The following MORN5 variants were observed in gnomAD, a reference collection of about 807,000 sequenced individuals.
MORN5 encodes the protein MORN repeat containing 5.
In MORN5, 21 loss-of-function variants were observed where a neutral mutation model predicts 22.1. The ratio of observed to expected loss-of-function variants is 0.95; its 90% CI spans 0.67 to 1.37. The LOEUF (loss-of-function observed/expected upper bound fraction) is 1.37. MORN5 is among the 40% of genes most tolerant of loss of function. MORN5 has a pLI of 0.00. For missense variants in MORN5, 211 were observed against 215.1 expected, an observed-to-expected ratio of 0.98 and a Z score of 0.12; for synonymous variants, 73 against 74.0, an observed-to-expected ratio of 0.99 and a Z score of 0.07.
In MORN5 at chr9:122,174,571, A is replaced by C. The variant is rs777428150; in HGVS notation, c.383A>C (p.Tyr128Ser). 9.3e-6 allele frequency: 15 copies of C among 1,614,072 alleles called. No homozygotes were observed. The highest frequency in any genetic ancestry group is 1.3e-5 in the Non-Finnish European group (15 of 1,180,044). The change falls in exon 4 of 5, where the codon TAT becomes TCT. Residue 128 changes from tyrosine (Y) to serine (S), a missense_variant. By Grantham distance (144) the Tyr-to-Ser change is moderately radical. Coordinates refer to ENST00000373764, the MANE Select transcript of MORN5 (RefSeq NM_198469.4). ...KGYYDCGDGFYNPVTRVVKDY... is the reference protein window; with the variant it reads ...KGYYDCGDGFSNPVTRVVKDY... ...TATTACGATTGTGGAGACGGCTTCT[A>C]TAACCCAGTCACGAGGGTAGTCAAG...
intron 4 of MORN5, among the ~76,000 whole-genome samples, chr9:122,179,359 C>T (rs999551566): frequency 6.6e-6 from 1 of 152,160 alleles, no homozygotes; most frequent in Non-Finnish European, 1.5e-5. Flanking sequence ...TTTAGAAAGA[C>T]TTCTTTGATT....
intron 4 of MORN5, chr9:122,175,371 G>C: frequency 1.3e-6 from 1 of 752,450 alleles, no homozygotes; most frequent in Non-Finnish European, 1.6e-6. Flanking sequence ...GGAGGATCCA[G>C]AACCTCAGTT....
In MORN5 at chr9:122,188,206, G is replaced by C. The variant is rs191079802; in HGVS notation, c.440-11679G>C. On this transcript the variant is annotated intron_variant, in intron 4 of 4. Coordinates refer to ENST00000373764, the MANE Select transcript of MORN5 (RefSeq NM_198469.4). ...ACGGTGAGGAGTAAAGACGGGAGTT[G>C]CAGAAAAGTTCCTCAGGGAAGTGGG... 2.0e-5 allele frequency among the ~76,000 whole-genome samples: 3 copies of C among 152,344 alleles called. No homozygotes were observed. The East Asian group carries it at 5.8e-4, about 29-fold the overall frequency.
intron 4 of MORN5, among the ~76,000 whole-genome samples, chr9:122,192,275 C>A (rs60009410): frequency 0.11 from 16,266 of 152,180 alleles, 1,576 homozygotes; most frequent in African/African-American, 0.27. Flanking sequence ...TTTCCTGTGC[C>A]CCAAGTGCTG....
At chr9:122,172,405 C>T (rs1829379844) in intron 3 of MORN5, among the ~76,000 whole-genome samples, 1 of 151,636 alleles carries the variant, frequency 6.6e-6, no homozygotes, top group Non-Finnish European at 1.5e-5. Context: ...TCATCCTAGG[C>T]TACCCACCCT....
chr9:122,185,224 T>A (rs1829601672), intron 4 of MORN5, among the ~76,000 whole-genome samples: 1 of 150,418 alleles, frequency 6.6e-6, no homozygotes, highest in Non-Finnish European at 1.5e-5. Flanking sequence ...TTCAGATAAT[T>A]TTTTGTATTT....
At chr9:122,176,739 G>A (rs539579902) in intron 4 of MORN5, among the ~76,000 whole-genome samples, 100 of 152,212 alleles carry the variant, frequency 6.6e-4, no homozygotes, top group African/African-American at 2.2e-3. Flanking sequence ...TTAGCTGGGC[G>A]TGGTGGTGGG....
At chr9:122,194,935 G>T (rs1243360186) in intron 4 of MORN5, among the ~76,000 whole-genome samples, 1 of 151,898 alleles carries the variant, frequency 6.6e-6, no homozygotes. Flanking sequence ...CAGGGGAATT[G>T]CTTGAACCTG....
In MORN5 at chr9:122,174,547, A is replaced by G. The variant is rs1396929162; in HGVS notation, c.359A>G (p.Tyr120Cys). ...CCACCTAGAAAAATCCCCAAGGGCT[A>G]TTACGATTGTGGAGACGGCTTCTAT... ...MDPPRKIPKG[Y>C]YDCGDGFYNP... The change falls in exon 4 of 5, where the codon TAT becomes TGT. Residue 120 changes from tyrosine to cysteine, a missense_variant. By Grantham distance (194) the Tyr-to-Cys change is radical. Transcript: ENST00000373764. The G allele has an allele frequency of 2.5e-6, 4 of 1,614,098 alleles. No individual in the cohort carries two copies. Among genetic ancestry groups the G allele is most frequent in the African/African-American group, 1.3e-5 (1 of 75,036 alleles).
Position 122,197,628 on chromosome 9 carries a change from G to T in MORN5, c.440-2257G>T, listed in dbSNP as rs1412819042. On this transcript the variant is annotated intron_variant, in intron 4 of 4. Transcript: ENST00000373764. This position sits in a 1 kb window ranked among gnomAD's most constrained non-coding sequence, Gnocchi z 5.7. ...GAGAGTGAAAGGGGTAGTGAAGAGG[G>T]CTGTTAAGTCCATTGCTGTCAATTT... 6.6e-6 allele frequency among the ~76,000 whole-genome samples: 1 copy of T among 152,162 alleles called. No homozygotes were observed. Among genetic ancestry groups the T allele is most frequent in the Non-Finnish European group, 1.5e-5 (1 of 68,024 alleles).
chr9:122,174,411 C>T (rs1408029050), intron 3 of MORN5, 85 bp from the exon 4 acceptor site: 1 of 1,497,090 alleles, frequency 6.7e-7, no homozygotes, highest in Non-Finnish European at 9.1e-7. Flanking sequence ...TCACATGAGC[C>T]ACCAGCCACA....
chr9:122,186,489 G>A (rs1210762359), intron 4 of MORN5, among the ~76,000 whole-genome samples: 1 of 152,122 alleles, frequency 6.6e-6, no homozygotes, highest in Non-Finnish European at 1.5e-5. Flanking sequence ...GGGCGGGATT[G>A]GCCACTTGGA....
rs1288376173 is a variant in MORN5, at chr9:122,197,566, C to T, written c.440-2319C>T. Among the ~76,000 whole-genome samples the T allele has an allele frequency of 6.6e-6, 1 of 152,116 alleles. No individual in the cohort carries two copies. Among genetic ancestry groups the T allele is most frequent in the African/African-American group, 2.4e-5 (1 of 41,420 alleles). On this transcript the variant is annotated intron_variant, in intron 4 of 4. Coordinates refer to ENST00000373764, the MANE Select transcript of MORN5 (RefSeq NM_198469.4). This position sits in a 1 kb window ranked among gnomAD's most constrained non-coding sequence, Gnocchi z 5.7. ...GGTGAGCAGCTGCTGGGAGGGGAGG[C>T]ATCTGTGATTCAAATTGGTGGCTGT...
At chr9:122,188,338 G>A (rs1042177522) in intron 4 of MORN5, among the ~76,000 whole-genome samples, 1 of 152,198 alleles carries the variant, frequency 6.6e-6, no homozygotes, top group East Asian at 1.9e-4. Context: ...AGCCTCAGTA[G>A]CCTCCCCTGT....
intron 4 of MORN5, among the ~76,000 whole-genome samples, chr9:122,178,527 T>G (rs1480150138): frequency 6.6e-6 from 1 of 152,036 alleles, no homozygotes; most frequent in African/African-American, 2.4e-5. Context: ...GATTAATAAA[T>G]AGAAAGATAG....
intron 4 of MORN5, among the ~76,000 whole-genome samples, chr9:122,179,896 T>A (rs1220263196): frequency 6.6e-6 from 1 of 152,230 alleles, no homozygotes; most frequent in Non-Finnish European, 1.5e-5. Flanking sequence ...CGCAGGCTGC[T>A]GGGCCTCTGG....
chr9:122,199,872 T>A lies in MORN5; in HGVS notation c.440-13T>A. ...AGCACCAAGCATGACCAGCTCTTCC[T>A]CTTTCCTTGCAGATGATGACGAGCA... On this transcript the variant is annotated splice_polypyrimidine_tract_variant and intron_variant, in intron 4 of 4. Coordinates refer to ENST00000373764, the MANE Select transcript of MORN5 (RefSeq NM_198469.4). 2 of 1,613,876 alleles carry A rather than the reference T, an allele frequency of 1.2e-6. No individual in the cohort carries two copies. The highest frequency in any genetic ancestry group is 2.7e-5 in the African/African-American group (2 of 75,026).
chr9:122,169,461 G>A (rs1271324223), intron 2 of MORN5, among the ~76,000 whole-genome samples, 184 bp from the exon 3 acceptor site: 1 of 152,174 alleles, frequency 6.6e-6, no homozygotes, highest in African/African-American at 2.4e-5. Flanking sequence ...CCCACTTTGA[G>A]CGGCAGGGAC....
At chr9:122,174,893 T>G (rs1829425645) in intron 4 of MORN5, 1 of 1,278,594 alleles carries the variant, frequency 7.8e-7, no homozygotes, top group South Asian at 1.5e-5. Flanking sequence ...TACTTATTTT[T>G]GTATGCATTC....
Sources: gnomAD v4.1 joint callset for allele counts (sites outside exome capture counted in the v4.1 genomes callset) on GRCh38, gnomAD v4.1.1 for gene constraint, Gnocchi (gnomAD v3.1) non-coding constraint, MANE v1.5 for transcripts, NCBI Gene and HGNC (gene_info 2026-07-23, HGNC 2026-07-21) for gene names.